Variants in CYP4X1 observed in about 807,000 individuals in gnomAD.
CYP4X1 encodes cytochrome P450 family 4 subfamily X member 1.
A neutral mutation model predicts 57.9 loss-of-function variants in CYP4X1; 44 were observed. That is an observed-to-expected ratio of 0.76 (90% CI 0.60 to 0.98). CYP4X1 has a LOEUF of 0.98. Ranked by LOEUF, CYP4X1 falls within the 50% of genes least tolerant of loss-of-function variation. CYP4X1 has a pLI of 0.00. For missense variants in CYP4X1, 532 were observed against 623.9 expected (o/e 0.85, Z 1.57); for synonymous variants, 227 against 228.6 (o/e 0.99, Z 0.06).
At chr1:47,023,616 G>A (rs1644022399), upstream of CYP4X1, 1 of 1,329,746 alleles carries the variant, frequency 7.5e-7, no homozygotes, top group Non-Finnish European at 9.6e-7. Context: ...TAACCGGCTA[G>A]AAATCCCGCA....
At chr1:47,038,857 A>T in intron 7 of CYP4X1, 91 bp downstream of exon 7, 1 of 943,428 alleles carries the variant, frequency 1.1e-6, no homozygotes, top group Non-Finnish European at 1.5e-6. Context: ...AGACAAGAAT[A>T]AAACCGATTG....
chr1:47,026,579 CA>C (rs1239253045), intron 1 of CYP4X1, among the ~76,000 whole-genome samples: 1 of 152,014 alleles, frequency 6.6e-6, no homozygotes, highest in African/African-American at 2.4e-5. Context: ...ACAAGGAAAC[CA>C]GCTAGGGTTC....
chr1:46,997,845 C>T, the CYP4X1 span, among the ~76,000 whole-genome samples: 3 of 152,036 alleles, frequency 2.0e-5, no homozygotes, highest in Admixed American at 6.6e-5. Flanking sequence ...CCCTTTTCTA[C>T]GTATCTTTGC....
chr1:47,040,920 G>T (rs1292852533), intron 8 of CYP4X1, among the ~76,000 whole-genome samples: 2 of 151,916 alleles, frequency 1.3e-5, no homozygotes, highest in African/African-American at 4.8e-5. Context: ...CTGAAATTTT[G>T]TATCCTTTGA....
At chr1:47,023,037 G>A (rs1179260964), upstream of CYP4X1, among the ~76,000 whole-genome samples, 8 of 152,192 alleles carry the variant, frequency 5.3e-5, no homozygotes, top group Admixed American at 5.2e-4. Flanking sequence ...TCATGGGCAT[G>A]AGACCCAAGC....
chr1:47,000,201 C>T, the CYP4X1 span, among the ~76,000 whole-genome samples: 6,064 of 152,160 alleles, frequency 0.04, 412 homozygotes, highest in African/African-American at 0.13. Flanking sequence ...CCCTTTCATG[C>T]TCTGTCCCTC....
the CYP4X1 span, among the ~76,000 whole-genome samples, chr1:46,986,360 G>A: frequency 6.6e-6 from 1 of 152,056 alleles, no homozygotes; most frequent in African/African-American, 2.4e-5. Flanking sequence ...AATGAGCAAA[G>A]TGTCCAAGAG....
At chr1:47,013,526 C>A in the CYP4X1 span, among the ~76,000 whole-genome samples, 1 of 152,134 alleles carries the variant, frequency 6.6e-6, no homozygotes, top group Non-Finnish European at 1.5e-5. Flanking sequence ...GTGTCAGTTA[C>A]ACCATAAGTT....
At chr1:47,048,468 A>T in intron 9 of CYP4X1, 97 bp from the exon 10 acceptor site, 1 of 1,271,474 alleles carries the variant, frequency 7.9e-7, no homozygotes, top group Non-Finnish European at 1.2e-6. Context: ...GCCAGGAGCT[A>T]GCTCTTCCCT....
the CYP4X1 span, among the ~76,000 whole-genome samples, chr1:46,962,851 G>C: frequency 6.6e-6 from 1 of 152,160 alleles, no homozygotes; most frequent in African/African-American, 2.4e-5. Context: ...TGACAGTGGG[G>C]TGTTAAAGTC....
At chr1:47,008,491 A>G in the CYP4X1 span, among the ~76,000 whole-genome samples, 1 of 152,198 alleles carries the variant, frequency 6.6e-6, no homozygotes, top group African/African-American at 2.4e-5. Flanking sequence ...AAAGACCATC[A>G]AGGGCAGGAA....
chr1:47,025,904 C>T, intron 1 of CYP4X1, among the ~76,000 whole-genome samples: 1 of 152,166 alleles, frequency 6.6e-6, no homozygotes, highest in Non-Finnish European at 1.5e-5. Flanking sequence ...TTATGTATCT[C>T]TACTGTCTCA....
chr1:46,967,859 C>T, the CYP4X1 span: 4 of 1,125,756 alleles, frequency 3.6e-6, no homozygotes, highest in Non-Finnish European at 4.7e-6. Context: ...AATTTTTTCC[C>T]AATGCAGGTC....
At chr1:47,049,340 T>C in intron 10 of CYP4X1, 82 bp from the exon 11 acceptor site, 1 of 997,676 alleles carries the variant, frequency 1.0e-6, no homozygotes. Flanking sequence ...ATTATATTTC[T>C]ATTGATCGGT....
At chr1:47,027,792 G>C (rs1223920525) in intron 1 of CYP4X1, among the ~76,000 whole-genome samples, 2 of 152,064 alleles carry the variant, frequency 1.3e-5, no homozygotes, top group African/African-American at 2.4e-5. Context: ...CCTAAAAGAG[G>C]CTTGCCCTGA....
At chr1:47,034,567 A>G (rs1644159470) in intron 4 of CYP4X1, among the ~76,000 whole-genome samples, 1 of 152,144 alleles carries the variant, frequency 6.6e-6, no homozygotes, top group South Asian at 2.1e-4. Flanking sequence ...TTACCAGCTC[A>G]ATGATTGGGT....
At chr1:46,966,838 A>G in the CYP4X1 span, among the ~76,000 whole-genome samples, 1 of 152,242 alleles carries the variant, frequency 6.6e-6, no homozygotes, top group African/African-American at 2.4e-5. Context: ...GGTGAATGTC[A>G]TTCAATGACT....
At chr1:47,001,451 C>T in the CYP4X1 span, among the ~76,000 whole-genome samples, 7 of 152,262 alleles carry the variant, frequency 4.6e-5, no homozygotes, top group Non-Finnish European at 8.8e-5. Flanking sequence ...CATAATCAGG[C>T]GTTCCCTTTA....
the CYP4X1 span, among the ~76,000 whole-genome samples, chr1:46,961,932 G>C: frequency 6.6e-6 from 1 of 152,068 alleles, no homozygotes; most frequent in South Asian, 2.1e-4. Context: ...AGAGCTTCTG[G>C]CTGGCTGGCA....
Sources: allele counts gnomAD v4.1 joint callset (sites outside exome capture counted in the v4.1 genomes callset), GRCh38; gene constraint gnomAD v4.1.1; transcripts MANE v1.5; gene names NCBI Gene and HGNC (gene_info 2026-07-23, HGNC 2026-07-21).